Variants in NR2F1-AS1 observed in about 807,000 individuals in gnomAD.
NR2F1-AS1 encodes the protein NR2F1 antisense RNA 1.
intron 4 of NR2F1-AS1, among the ~76,000 whole-genome samples, chr5:93,489,136 T>C (rs1354468098): frequency 6.6e-6 from 1 of 151,658 alleles, no homozygotes; most frequent in Non-Finnish European, 1.5e-5. Flanking sequence ...TTAGGAGAAA[T>C]ACCTAATGTA....
intron 4 of NR2F1-AS1, among the ~76,000 whole-genome samples, chr5:93,440,180 GCTCTCTCTCTCTGT>G: frequency 1.3e-5 from 2 of 149,354 alleles, no homozygotes; most frequent in South Asian, 4.3e-4. Flanking sequence ...TCTCTCGCTC[GCTCTCTCTCTCTGT>G]CTCTCTCTCT....
upstream of NR2F1-AS1, among the ~76,000 whole-genome samples, chr5:93,582,346 T>C (rs999363203): frequency 4.0e-5 from 6 of 151,744 alleles, no homozygotes; most frequent in Non-Finnish European, 5.9e-5. Context: ...TTGGGATAAA[T>C]AGGAACCCTT....
At chr5:93,473,012 T>C (rs1750402041) in intron 4 of NR2F1-AS1, among the ~76,000 whole-genome samples, 1 of 151,948 alleles carries the variant, frequency 6.6e-6, no homozygotes, top group Non-Finnish European at 1.5e-5. Context: ...ATACCACCTA[T>C]ACCATTAAGA....
intron 4 of NR2F1-AS1, among the ~76,000 whole-genome samples, chr5:93,480,021 A>G (rs1750568014): frequency 6.6e-6 from 1 of 152,144 alleles, no homozygotes; most frequent in Non-Finnish European, 1.5e-5. Flanking sequence ...CAAAATAAAC[A>G]GAGTCTACAG....
intron 4 of NR2F1-AS1, among the ~76,000 whole-genome samples, chr5:93,433,562 T>G (rs753085213): frequency 1.5e-4 from 23 of 152,214 alleles, no homozygotes; most frequent in Non-Finnish European, 2.9e-4. Flanking sequence ...ATTTCATCAT[T>G]ATGTGAACAT....
chr5:93,413,677 A>G (rs1399453237), intron 4 of NR2F1-AS1, among the ~76,000 whole-genome samples: 1 of 152,146 alleles, frequency 6.6e-6, no homozygotes, highest in Non-Finnish European at 1.5e-5. Context: ...CTGTGGCCAC[A>G]AGAAACACGT....
intron 4 of NR2F1-AS1, among the ~76,000 whole-genome samples, chr5:93,553,526 G>A (rs879079895): frequency 2.0e-5 from 3 of 152,170 alleles, no homozygotes; most frequent in Admixed American, 6.5e-5. Flanking sequence ...GATGACAGAA[G>A]CTACTCAAAC....
intron 4 of NR2F1-AS1, among the ~76,000 whole-genome samples, chr5:93,520,817 A>T (rs1385732637): frequency 6.6e-6 from 1 of 152,188 alleles, no homozygotes; most frequent in Non-Finnish European, 1.5e-5. Context: ...ACATATTGCA[A>T]GCCTCCCCCC....
chr5:93,534,191 C>T (rs927094809), intron 4 of NR2F1-AS1, among the ~76,000 whole-genome samples: 1 of 152,140 alleles, frequency 6.6e-6, no homozygotes, highest in Non-Finnish European at 1.5e-5. Flanking sequence ...AGCACCCTCA[C>T]AAAAATTATC....
At chr5:93,473,464 G>A (rs974211897) in intron 4 of NR2F1-AS1, among the ~76,000 whole-genome samples, 20 of 151,586 alleles carry the variant, frequency 1.3e-4, no homozygotes, top group Admixed American at 5.9e-4. Context: ...GAAGCCTCCC[G>A]TTGCCTCACA....
chr5:93,471,495 G>C (rs1265852301), intron 4 of NR2F1-AS1, among the ~76,000 whole-genome samples: 1 of 151,604 alleles, frequency 6.6e-6, no homozygotes, highest in Non-Finnish European at 1.5e-5. Context: ...ATCACAATAT[G>C]AATAGAATAT....
chr5:93,553,014 G>A (rs1235418206), intron 4 of NR2F1-AS1, among the ~76,000 whole-genome samples: 1 of 151,918 alleles, frequency 6.6e-6, no homozygotes, highest in African/African-American at 2.4e-5. Context: ...CTATGTCTCT[G>A]GAATAGCAAA....
chr5:93,525,410 CG>C (rs150386228), intron 4 of NR2F1-AS1, among the ~76,000 whole-genome samples: 2,568 of 152,118 alleles, frequency 0.017, 78 homozygotes, highest in African/African-American at 0.059. Flanking sequence ...ACAATAATAG[CG>C]GGGGACTTTA....
chr5:93,460,406 A>C (rs1306644931), intron 4 of NR2F1-AS1, among the ~76,000 whole-genome samples: 1 of 152,228 alleles, frequency 6.6e-6, no homozygotes, highest in Admixed American at 6.5e-5. Flanking sequence ...CCACAGAAAG[A>C]ATATAATGCA....
intron 4 of NR2F1-AS1, among the ~76,000 whole-genome samples, chr5:93,418,103 T>C (rs1336855275): frequency 6.6e-6 from 1 of 152,130 alleles, no homozygotes; most frequent in Admixed American, 6.5e-5. Flanking sequence ...AGCCAACTAT[T>C]CTTTAGGCCT....
chr5:93,444,388 G>A (rs1234145977), intron 4 of NR2F1-AS1, among the ~76,000 whole-genome samples: 1 of 152,044 alleles, frequency 6.6e-6, no homozygotes, highest in Admixed American at 6.6e-5. Context: ...AAAAAAAGCA[G>A]GGGTTGCAAT....
chr5:93,563,831 AG>A (rs1413227834), intron 1 of NR2F1-AS1, among the ~76,000 whole-genome samples: 1 of 152,046 alleles, frequency 6.6e-6, no homozygotes, highest in Non-Finnish European at 1.5e-5. Context: ...GGCCGGGTGC[AG>A]TGGCTCATGC....
intron 4 of NR2F1-AS1, among the ~76,000 whole-genome samples, chr5:93,504,624 C>T (rs149508750): frequency 1.5e-3 from 227 of 151,966 alleles, no homozygotes; most frequent in East Asian, 0.014. Context: ...CTCAGAATCA[C>T]GGTGGGAGGC....
At chr5:93,542,914 A>T (rs921480133) in intron 4 of NR2F1-AS1, 2 of 152,126 alleles carry the variant, frequency 1.3e-5, no homozygotes, top group African/African-American at 4.8e-5. Flanking sequence ...TTTCCCACCC[A>T]CCCCAAGGAC....
Sources: allele counts gnomAD v4.1 joint callset (sites outside exome capture counted in the v4.1 genomes callset), GRCh38; gene constraint gnomAD v4.1.1; transcripts MANE v1.5; gene names NCBI Gene and HGNC (gene_info 2026-07-23, HGNC 2026-07-21).